The following ZNF804A variants were observed in gnomAD, a reference collection of about 807,000 sequenced individuals.
The protein encoded by ZNF804A is zinc finger protein 804A.
In ZNF804A, 2 loss-of-function variants were observed where a neutral mutation model predicts 16.5. That is an observed-to-expected ratio of 0.12 (90% confidence interval 0.05 to 0.38). The LOEUF is 0.38. Among genes scored for constraint, ZNF804A ranks in the 10% least tolerant of loss-of-function variants. ZNF804A has a pLI of 0.99. For missense variants in ZNF804A, 1,473 were observed against 1,390.7 expected (o/e 1.06, Z -0.94); for synonymous variants, 534 against 489.6 (o/e 1.09, Z -1.20).
intron 1 of ZNF804A, among the ~76,000 whole-genome samples, chr2:184,761,252 G>A (rs1198031275): frequency 6.6e-6 from 1 of 152,114 alleles, no homozygotes; most frequent in African/African-American, 2.4e-5. Context: ...AAGCACAGTT[G>A]GGATATTTTC....
chr2:184,795,229 C>T lies in ZNF804A; in HGVS notation c.112-71140C>T, dbSNP rs75029434. On this transcript the variant is annotated intron_variant, in intron 1 of 3. Coordinates refer to ENST00000302277, the MANE Select transcript of ZNF804A (RefSeq NM_194250.2). The stretch of plus-strand genomic sequence containing the variant: ...AAATTGTATCAAGCACTCTCCCAGA[C>T]GACAGTGGAATAAAACTCGAAATCA... 3.2e-3 allele frequency among the ~76,000 whole-genome samples: 493 copies of T among 152,178 alleles called. 4 individuals carry two copies. Among genetic ancestry groups the T allele is most frequent in the African/African-American group, 0.011 (477 of 41,526 alleles).
At chr2:184,807,386 A>G (rs1694823595) in intron 1 of ZNF804A, among the ~76,000 whole-genome samples, 2 of 151,840 alleles carry the variant, frequency 1.3e-5, no homozygotes, top group African/African-American at 2.4e-5. Flanking sequence ...AAGGGGGTGA[A>G]GGGATAGATG....
intron 2 of ZNF804A, among the ~76,000 whole-genome samples, chr2:184,922,317 C>T (rs1392573593): frequency 1.3e-5 from 2 of 152,084 alleles, no homozygotes; most frequent in African/African-American, 2.4e-5. Context: ...GATGATGTCT[C>T]ATTGCAGTTT....
intron 2 of ZNF804A, 44 bp from the exon 3 acceptor site, chr2:184,933,559 T>C (rs1401351532): frequency 2.6e-6 from 4 of 1,550,426 alleles, no homozygotes; most frequent in Admixed American, 4.5e-5. Context: ...AAAACTACTA[T>C]AGACCAAAAT....
chr2:184,829,437 AT>A (rs1240904196), intron 1 of ZNF804A, among the ~76,000 whole-genome samples: 1 of 151,796 alleles, frequency 6.6e-6, no homozygotes, highest in Non-Finnish European at 1.5e-5. Context: ...AAGAATTGCT[AT>A]TTTTTTATTC....
At chr2:184,902,860 T>G (rs946169771) in intron 2 of ZNF804A, among the ~76,000 whole-genome samples, 2 of 152,188 alleles carry the variant, frequency 1.3e-5, no homozygotes, top group Non-Finnish European at 2.9e-5. Context: ...CTGTTGTTTG[T>G]GCTAATACTT....
intron 1 of ZNF804A, among the ~76,000 whole-genome samples, chr2:184,660,710 C>T (rs1201045103): frequency 6.6e-6 from 1 of 152,202 alleles, no homozygotes; most frequent in Non-Finnish European, 1.5e-5. Context: ...TACACAAAAT[C>T]TGGAATATGA....
At chr2:184,638,548 C>A (rs1200227537) in intron 1 of ZNF804A, among the ~76,000 whole-genome samples, 3 of 152,148 alleles carry the variant, frequency 2.0e-5, no homozygotes, top group East Asian at 3.9e-4. Context: ...ATTTGAAGTT[C>A]AAAAGTATTT....
intron 1 of ZNF804A, among the ~76,000 whole-genome samples, chr2:184,643,295 T>C (rs1207153686): frequency 1.3e-5 from 2 of 152,094 alleles, no homozygotes; most frequent in Non-Finnish European, 2.9e-5. Flanking sequence ...TTGTTTGTCA[T>C]ATGGCCTTGG....
chr2:184,636,386 T>A lies in ZNF804A; in HGVS notation c.111+37316T>A, dbSNP rs543454333. Among the ~76,000 whole-genome samples, 7 of 147,626 alleles carry A rather than the reference T, an allele frequency of 4.7e-5. No individual in the cohort carries two copies. The South Asian group carries it at 1.5e-3, about 32-fold the overall frequency. ...TTTTTCTGTCTCTCAACTAGGTGCT[T>A]GGGCTAGGACAAAGCATTGTGAGAC... On this transcript the variant is annotated intron_variant, in intron 1 of 3. Transcript: ENST00000302277.
At chr2:184,835,664 G>GA (rs112941339) in intron 1 of ZNF804A, among the ~76,000 whole-genome samples, 31,432 of 137,292 alleles carry the variant, frequency 0.23, 3,970 homozygotes, top group African/African-American at 0.38. Context: ...AGGAAGGCAT[G>GA]AAAAAAAAAA....
chr2:184,819,901 A>G (rs1222898231), intron 1 of ZNF804A, among the ~76,000 whole-genome samples: 1 of 151,982 alleles, frequency 6.6e-6, no homozygotes, highest in Non-Finnish European at 1.5e-5. Context: ...ACCAATAATG[A>G]GTTCTGAAAT....
intron 1 of ZNF804A, among the ~76,000 whole-genome samples, chr2:184,732,349 T>C (rs556878893): frequency 6.6e-6 from 1 of 152,252 alleles, no homozygotes; most frequent in African/African-American, 2.4e-5. Flanking sequence ...TGCTAAAAAT[T>C]TGTGTGGGTT....
At chr2:184,909,792 T>A (rs552696664) in intron 2 of ZNF804A, among the ~76,000 whole-genome samples, 41 of 152,092 alleles carry the variant, frequency 2.7e-4, no homozygotes, top group Non-Finnish European at 3.7e-4. Flanking sequence ...AGACAACTGA[T>A]ACTGAGGAAT....
In ZNF804A at chr2:184,938,922, G is replaced by C. The variant is rs767120954; in HGVS notation, c.3526G>C (p.Val1176Leu). The C allele has an allele frequency of 6.2e-7, 1 of 1,613,608 alleles. No homozygotes were observed. Among genetic ancestry groups the C allele is most frequent in the Non-Finnish European group, 8.5e-7 (1 of 1,179,908 alleles). Residue 1176 changes from valine to leucine, a missense_variant, in exon 4 of 4, where the codon GTT (valine) becomes CTT (leucine). Transcript: ENST00000302277. ...TCAGATGCCAATCATTCCAGCTTCC[G>C]TTCTTCATCCTAGCCATCTGGCTTT... is the stretch of plus-strand genomic sequence containing the variant. ...PPQMPIIPASVLHPSHLAFPS... is the reference protein window; with the variant it reads ...PPQMPIIPASLLHPSHLAFPS...
intron 2 of ZNF804A, among the ~76,000 whole-genome samples, chr2:184,913,802 A>T (rs2105833232): frequency 6.6e-6 from 1 of 152,284 alleles, no homozygotes; most frequent in Admixed American, 6.5e-5. Flanking sequence ...GTTTCTAAAC[A>T]TCTGAAAAGA....
intron 1 of ZNF804A, among the ~76,000 whole-genome samples, chr2:184,773,216 A>T (rs1365630403): frequency 6.6e-6 from 1 of 151,778 alleles, no homozygotes; most frequent in African/African-American, 2.4e-5. Context: ...ACCATTACTA[A>T]TATCTGTATC....
At chr2:184,636,549 CTG>C (rs71011052) in intron 1 of ZNF804A, among the ~76,000 whole-genome samples, 30,812 of 137,690 alleles carry the variant, frequency 0.22, 3,377 homozygotes, top group East Asian at 0.45. Context: ...GGCTCTAGGG[CTG>C]TGTGTGTGTG....
intron 2 of ZNF804A, among the ~76,000 whole-genome samples, chr2:184,867,029 A>T (rs1350364091): frequency 6.6e-6 from 1 of 151,824 alleles, no homozygotes; most frequent in Non-Finnish European, 1.5e-5. Flanking sequence ...TAGGTTATTG[A>T]TTGAGTACTT....
Sources: gnomAD v4.1 joint callset for allele counts (sites outside exome capture counted in the v4.1 genomes callset) on GRCh38, gnomAD v4.1.1 for gene constraint, MANE v1.5 for transcripts, NCBI Gene and HGNC (gene_info 2026-07-23, HGNC 2026-07-21) for gene names.